The following CC2D2B variants were observed in gnomAD, a reference collection of about 807,000 sequenced individuals.
CC2D2B encodes protein CC2D2B.
CC2D2B carries 128 observed loss-of-function variants against 161.2 expected under a neutral mutation model. The observed-to-expected ratio is 0.79, with a 90% CI of 0.69 to 0.92. The LOEUF is 0.92. CC2D2B is among the 40% of genes least tolerant of loss of function. The pLI is 0.00. For synonymous variants in CC2D2B, 391 were observed against 449.8 expected (o/e 0.87, Z 1.65); for missense variants, 1,173 against 1,375.1 (o/e 0.85, Z 2.32).
At position 95,974,059 on chromosome 10, in the gene CC2D2B, A is replaced by T; in HGVS notation, c.1846A>T (p.Thr616Ser). ...GNGTEELCLL[T>S]SGKLSYSLSW... Reference sequence around the variant, plus strand: ...TGGAACTGAAGAACTCTGTCTTTTGACATCAGGAAAACTTAGCTATTCTCT... The same window carrying T: ...TGGAACTGAAGAACTCTGTCTTTTGTCATCAGGAAAACTTAGCTATTCTCT... Residue 616 changes from threonine (T) to serine (S), a missense_variant, in exon 17 of 35, where the codon ACA (threonine) becomes TCA (serine). Thr to Ser is a moderately conservative substitution (Grantham distance 58). Transcript: ENST00000646931. 8.1e-7 allele frequency: 1 copy of T among 1,231,556 alleles called. No homozygotes were observed. Among genetic ancestry groups the T allele is most frequent in the Non-Finnish European group, 1.0e-6 (1 of 987,454 alleles). The allele number at this position is 1,231,556 out of a possible 1,614,324, so 76.3% of individuals were successfully genotyped here. A position where few individuals can be genotyped will look rare whatever the true frequency, so the allele number is the denominator to read the frequency against.
intron 6 of CC2D2B, among the ~76,000 whole-genome samples, chr10:95,930,925 T>C (rs2098548936): frequency 6.6e-6 from 1 of 152,234 alleles, no homozygotes; most frequent in Non-Finnish European, 1.5e-5. Flanking sequence ...GGAGTCTCTC[T>C]TTTTCTATTG....
intron 31 of CC2D2B, 118 bp from the exon 32 acceptor site, chr10:96,019,584 C>T (rs753719104): frequency 1.4e-4 from 150 of 1,039,420 alleles, no homozygotes; most frequent in Non-Finnish European, 1.9e-4. Context: ...CTCAGAACCC[C>T]GCTGGGATTC....
intron 13 of CC2D2B, 33 bp from the exon 14 acceptor site, chr10:95,966,157 T>A (rs759288779): frequency 5.0e-5 from 43 of 855,064 alleles, no homozygotes; most frequent in Admixed American, 2.2e-4. Flanking sequence ...GGGATGTACA[T>A]GGCAAATCAT....
chr10:96,019,165 T>TA, intron 30 of CC2D2B, 38 bp from the exon 31 acceptor site: 1 of 1,516,670 alleles, frequency 6.6e-7, no homozygotes, highest in Non-Finnish European at 8.9e-7. Context: ...AGAAATTATT[T>TA]AAATCCACCA....
At chr10:96,013,983 T>A in intron 29 of CC2D2B, 106 bp downstream of exon 29, 1 of 441,498 alleles carries the variant, frequency 2.3e-6, no homozygotes, top group Non-Finnish European at 3.7e-6. Flanking sequence ...TTGTGAAATT[T>A]AAAAGTATTT....
At chr10:95,973,159 A>G (rs1019409022) in intron 16 of CC2D2B, among the ~76,000 whole-genome samples, 4 of 151,974 alleles carry the variant, frequency 2.6e-5, no homozygotes, top group African/African-American at 9.7e-5. Context: ...GCGGGGGGAA[A>G]TGGGCAGAGA....
Position 96,019,307 on chromosome 10 carries a change from A to G in CC2D2B, c.3735A>G (p.Lys1245=), listed in dbSNP as rs2141909747. Residue 1245 remains lysine, a synonymous_variant, in exon 31 of 35, where the codon AAA becomes AAG. Coordinates refer to ENST00000646931, the MANE Select transcript of CC2D2B (RefSeq NM_001349008.3). Reference sequence around the variant, plus strand: ...AGTTTGACCCGTTTTGTCCCTTAAAAAGTGTAGATTGTTTGTTTGATGATA... The same window carrying G: ...AGTTTGACCCGTTTTGTCCCTTAAAGAGTGTAGATTGTTTGTTTGATGATA... ...YKQFDPFCPL[K]SVDCLFDDRN... The G allele has an allele frequency of 6.2e-7, 1 of 1,611,586 alleles. No homozygotes were observed. The highest frequency in any genetic ancestry group is 2.2e-5 in the East Asian group (1 of 44,848).
At chr10:95,913,390 C>T in intron 2 of CC2D2B, 1 of 392,050 alleles carries the variant, frequency 2.6e-6, no homozygotes, top group South Asian at 2.0e-5. Context: ...AGGTTGCTTC[C>T]AAATCTTGGC....
At chr10:95,954,870 C>T (rs1200947615) in intron 10 of CC2D2B, among the ~76,000 whole-genome samples, 1 of 152,092 alleles carries the variant, frequency 6.6e-6, no homozygotes, top group East Asian at 1.9e-4. Flanking sequence ...GGCCTAGTTT[C>T]CTCCAGTTCT....
chr10:96,028,356 A>G (rs957035323), intron 34 of CC2D2B, among the ~76,000 whole-genome samples: 2 of 152,316 alleles, frequency 1.3e-5, no homozygotes, highest in East Asian at 3.9e-4. Flanking sequence ...TACAATTGAC[A>G]AACAGGCATA....
chr10:95,934,193 G>A (rs763849920), intron 6 of CC2D2B, among the ~76,000 whole-genome samples: 1 of 152,044 alleles, frequency 6.6e-6, no homozygotes, highest in Non-Finnish European at 1.5e-5. Flanking sequence ...GGGAAAACCC[G>A]CCTACCCAAG....
intron 32 of CC2D2B, 111 bp from the exon 33 acceptor site, chr10:96,024,742 T>C (rs2079618865): frequency 1.8e-6 from 1 of 554,972 alleles, no homozygotes. Flanking sequence ...TGAGTGTTTT[T>C]GCCACAGAAG....
At chr10:95,980,890 A>G (rs1456387189) in intron 17 of CC2D2B, among the ~76,000 whole-genome samples, 2 of 152,222 alleles carry the variant, frequency 1.3e-5, no homozygotes, top group African/African-American at 4.8e-5. Context: ...AAAGGATTGT[A>G]GAAATTTGGA....
At chr10:96,018,900 C>T (rs1024172666) in intron 30 of CC2D2B, 4 of 199,840 alleles carry the variant, frequency 2.0e-5, no homozygotes, top group Non-Finnish European at 2.0e-5. Context: ...CAGGCTCAAG[C>T]GATCCTCCCA....
intron 6 of CC2D2B, among the ~76,000 whole-genome samples, chr10:95,929,732 T>A (rs1274879427): frequency 6.6e-6 from 1 of 152,190 alleles, no homozygotes; most frequent in African/African-American, 2.4e-5. Context: ...TTCTGAGGCC[T>A]CTGTTCTGTT....
chr10:95,962,227 A>G (rs1199071192), intron 12 of CC2D2B, among the ~76,000 whole-genome samples: 1 of 152,158 alleles, frequency 6.6e-6, no homozygotes, highest in Admixed American at 6.6e-5. Flanking sequence ...ACTTCACTCA[A>G]GAATGTGTAT....
At chr10:95,971,845 C>A (rs1053589979) in intron 15 of CC2D2B, among the ~76,000 whole-genome samples, 1 of 152,044 alleles carries the variant, frequency 6.6e-6, no homozygotes, top group African/African-American at 2.4e-5. Context: ...TATTCATAAT[C>A]CCTTGTATTC....
In CC2D2B at chr10:95,972,144, A is replaced by G. The variant is rs2077158072; in HGVS notation, c.1723A>G (p.Lys575Glu). 1 of 1,231,880 alleles carries G rather than the reference A, an allele frequency of 8.1e-7. No homozygotes were observed. Among genetic ancestry groups the G allele is most frequent in the South Asian group, 4.1e-5 (1 of 24,322 alleles). The allele number at this position is 1,231,880 out of a possible 1,614,324, so 76.3% of individuals were successfully genotyped here. ...PLPNYTELKG[K>E]TALQYVEFSS... is the part of the protein sequence containing the mutation. The stretch of plus-strand genomic sequence containing the variant: ...ACCTAACTACACAGAGCTGAAAGGC[A>G]AAACCGCTTTGCAATATGTAGAGTT... The change falls in exon 16 of 35, where the codon AAA becomes GAA. Residue 575 changes from lysine to glutamate, a missense_variant. By Grantham distance (56) the Lys-to-Glu change is moderately conservative. Around this residue, in one of 3 missense-constraint regions of CC2D2B, gnomAD observed 277 missense variants for 420.6 expected, o/e 0.66. Coordinates refer to ENST00000646931, the MANE Select transcript of CC2D2B (RefSeq NM_001349008.3).
chr10:95,995,174 A>G (rs1163488739), intron 22 of CC2D2B, 95 bp from the exon 23 acceptor site: 5 of 584,840 alleles, frequency 8.5e-6, no homozygotes, highest in African/African-American at 1.9e-5. Flanking sequence ...ACTGACTTAT[A>G]TATCTTCATA....
Sources: allele counts gnomAD v4.1 joint callset (sites outside exome capture counted in the v4.1 genomes callset), GRCh38; gene constraint gnomAD v4.1.1; regional missense constraint gnomAD v4.1.1; transcripts MANE v1.5; gene names NCBI Gene and HGNC (gene_info 2026-07-23, HGNC 2026-07-21).